The following FAM107B variants were observed in gnomAD, a reference collection of about 807,000 sequenced individuals.
FAM107B encodes protein FAM107B.
In FAM107B, 21 loss-of-function variants were observed where a neutral mutation model predicts 31.5. The ratio of observed to expected loss-of-function variants is 0.67; its 90% CI spans 0.47 to 0.96. The LOEUF (loss-of-function observed/expected upper bound fraction) is 0.96. Ranked by LOEUF, FAM107B falls within the 40% of genes least tolerant of loss-of-function variation. FAM107B has a pLI of 0.00. For missense variants in FAM107B, 452 were observed against 377.1 expected (o/e 1.20, Z -1.64); for synonymous variants, 157 against 141.5 (o/e 1.11, Z -0.78).
chr10:14,553,275 A>C (rs1849422681), intron 2 of FAM107B: 2 of 1,091,926 alleles, frequency 1.8e-6, no homozygotes, highest in East Asian at 1.3e-4. Flanking sequence ...TCATGATGAA[A>C]GCTGAGGAAT....
intron 2 of FAM107B, among the ~76,000 whole-genome samples, chr10:14,652,166 A>T: frequency 6.8e-6 from 1 of 146,314 alleles, no homozygotes; most frequent in South Asian, 2.2e-4. Context: ...AAAAAAAAAA[A>T]GCAGTGACTC....
rs372038248 is a variant in FAM107B, at chr10:14,606,364, G to A, written c.469+61270C>T. Among the ~76,000 whole-genome samples the A allele has an allele frequency of 2.0e-5, 3 of 152,134 alleles. No individual in the cohort carries two copies. The East Asian group carries it at 5.8e-4, about 30-fold the overall frequency. On this transcript the variant is annotated intron_variant, in intron 2 of 4. Coordinates refer to ENST00000181796, the MANE Select transcript of FAM107B (RefSeq NM_031453.4). Reference sequence around the variant, plus strand: ...GATCTTTTCTGCCCCTCCCATACCCGACATGGTATTGGCGTTATTGCACTG... The same window carrying A: ...GATCTTTTCTGCCCCTCCCATACCCAACATGGTATTGGCGTTATTGCACTG...
At chr10:14,727,717 C>G (rs1449724312) in intron 1 of FAM107B, among the ~76,000 whole-genome samples, 2 of 152,322 alleles carry the variant, frequency 1.3e-5, no homozygotes, top group African/African-American at 4.8e-5. Context: ...TTCCTCGAAT[C>G]ACTTCCCCAC....
intron 1 of FAM107B, among the ~76,000 whole-genome samples, chr10:14,712,760 G>A (rs948689400): frequency 6.6e-6 from 1 of 152,200 alleles, no homozygotes; most frequent in African/African-American, 2.4e-5. Flanking sequence ...GTTCAGATGA[G>A]AAGTGTTGTT....
chr10:14,528,167 AG>A, intron 3 of FAM107B: 1 of 142,272 alleles, frequency 7.0e-6, no homozygotes, highest in Non-Finnish European at 1.4e-5. Context: ...ATTTACTTTA[AG>A]TTTTGGTTTT....
At chr10:14,655,675 T>C (rs1854031237) in intron 2 of FAM107B, among the ~76,000 whole-genome samples, 1 of 152,182 alleles carries the variant, frequency 6.6e-6, no homozygotes, top group Non-Finnish European at 1.5e-5. Flanking sequence ...GAGAAGCAGT[T>C]CATATGTGAA....
chr10:14,660,122 C>G (rs1285437896), intron 2 of FAM107B, among the ~76,000 whole-genome samples: 1 of 152,104 alleles, frequency 6.6e-6, no homozygotes, highest in Non-Finnish European at 1.5e-5. Context: ...TGACCATAAC[C>G]AACAGCCTCC....
rs938947173 is a variant in FAM107B, at chr10:14,604,317, G to T, written c.469+63317C>A. On this transcript the variant is annotated intron_variant, in intron 2 of 4. Transcript: ENST00000181796. ...CGCGGCGGCGCCCAGCGGCCCGACTGCTCGGCGGCGGCCCGAGGCGGCGCG... is the reference window on the plus strand; with the variant it reads ...CGCGGCGGCGCCCAGCGGCCCGACTTCTCGGCGGCGGCCCGAGGCGGCGCG... The T allele has an allele frequency of 1.1e-5, 11 of 958,804 alleles. No individual in the cohort carries two copies. In the African/African-American group the frequency reaches 2.0e-4, roughly 17 times the overall value. 59.4% of individuals were successfully genotyped at this position (958,804 alleles called of 1,614,324 possible).
chr10:14,559,537 T>C (rs1850049221), intron 2 of FAM107B, among the ~76,000 whole-genome samples: 1 of 150,722 alleles, frequency 6.6e-6, no homozygotes, highest in Non-Finnish European at 1.5e-5. Context: ...ACTTCAGTCC[T>C]ATAAGCCCGC....
At chr10:14,524,855 T>A (rs1050830053) in intron 3 of FAM107B, among the ~76,000 whole-genome samples, 1 of 152,242 alleles carries the variant, frequency 6.6e-6, no homozygotes, top group African/African-American at 2.4e-5. Context: ...TGCTGAAGAT[T>A]TGATGTATGA....
At chr10:14,583,086 C>CAAAAAAAAAAAAA (rs60205603) in intron 2 of FAM107B, among the ~76,000 whole-genome samples, 2 of 56,348 alleles carry the variant, frequency 3.5e-5, no homozygotes, top group Admixed American at 3.9e-4. Context: ...GACTCTGTCT[C>CAAAAAAAAAAAAA]AAAAAAAAAA....
At chr10:14,701,298 G>T (rs769780922) in intron 1 of FAM107B, among the ~76,000 whole-genome samples, 1 of 152,102 alleles carries the variant, frequency 6.6e-6, no homozygotes, top group Non-Finnish European at 1.5e-5. Context: ...AGGCTGGAGT[G>T]CAGTGGTGTG....
chr10:14,720,339 C>T (rs963957789), intron 1 of FAM107B, among the ~76,000 whole-genome samples: 14 of 152,162 alleles, frequency 9.2e-5, no homozygotes, highest in African/African-American at 2.9e-4. Flanking sequence ...CTGCAACCTC[C>T]GCCTCCCGTG....
intron 1 of FAM107B, among the ~76,000 whole-genome samples, chr10:14,719,874 CT>C (rs1386750045): frequency 3.3e-5 from 5 of 152,168 alleles, no homozygotes; most frequent in Non-Finnish European, 7.3e-5. Flanking sequence ...GGCCTTTAGG[CT>C]GTTCAGCTCT....
chr10:14,592,509 C>T (rs962795024), intron 2 of FAM107B, among the ~76,000 whole-genome samples: 1 of 152,210 alleles, frequency 6.6e-6, no homozygotes, highest in African/African-American at 2.4e-5. Flanking sequence ...TTAGATTTTG[C>T]ATCCTTAACA....
At chr10:14,638,005 T>G (rs1044039707) in intron 2 of FAM107B, among the ~76,000 whole-genome samples, 20 of 152,222 alleles carry the variant, frequency 1.3e-4, no homozygotes, top group African/African-American at 4.3e-4. Context: ...AACTGGAACA[T>G]CATAAATATA....
intron 1 of FAM107B, among the ~76,000 whole-genome samples, chr10:14,671,546 C>T (rs1223798789): frequency 6.6e-6 from 1 of 152,062 alleles, no homozygotes; most frequent in African/African-American, 2.4e-5. Context: ...TTTCTGGGGA[C>T]CCCCTCCCAT....
intron 1 of FAM107B, among the ~76,000 whole-genome samples, chr10:14,699,056 G>C (rs1010689517): frequency 1.6e-5 from 2 of 126,566 alleles, no homozygotes. Flanking sequence ...AGGCAGAGGT[G>C]GGGGGCAGGG....
At chr10:14,767,089 G>GAGAGAC (rs1833194870) in intron 1 of FAM107B, among the ~76,000 whole-genome samples, 2 of 112,536 alleles carry the variant, frequency 1.8e-5, no homozygotes, top group Non-Finnish European at 3.5e-5. Context: ...GAGAGAGAGA[G>GAGAGAC]AGAGAGAGAG....
Sources: allele counts gnomAD v4.1 joint callset (sites outside exome capture counted in the v4.1 genomes callset), GRCh38; gene constraint gnomAD v4.1.1; transcripts MANE v1.5; gene names NCBI Gene and HGNC (gene_info 2026-07-23, HGNC 2026-07-21).